The following UMAD1 variants were observed in gnomAD, a reference collection of about 807,000 sequenced individuals.
The protein encoded by UMAD1 is UBAP1-MVB12-associated (UMA) domain containing 1.
A neutral mutation model predicts 6.1 loss-of-function variants in UMAD1; 8 were observed. The ratio of observed to expected loss-of-function variants is 1.30; its 90% CI spans 0.76 to 2.35. UMAD1 has a LOEUF of 2.35. UMAD1 is among the 30% of genes most tolerant of loss of function. The probability of loss-of-function intolerance (pLI) is 0.00; values close to 1 mark genes in which losing one functional copy is unlikely to be tolerated. For missense variants in UMAD1, 130 were observed against 78.4 expected (o/e 1.66, Z -2.49); for synonymous variants, 56 against 31.4 (o/e 1.78, Z -2.61).
chr7:7,722,317 G>A (rs1781066035), intron 2 of UMAD1, among the ~76,000 whole-genome samples: 1 of 151,934 alleles, frequency 6.6e-6, no homozygotes, highest in Non-Finnish European at 1.5e-5. Context: ...TTCCTTCGTT[G>A]GTTTTGGGGA....
chr7:7,800,568 A>G (rs1039515423), intron 2 of UMAD1, among the ~76,000 whole-genome samples: 3 of 152,104 alleles, frequency 2.0e-5, no homozygotes, highest in African/African-American at 7.2e-5. Context: ...TACCCAAAGT[A>G]TAGTCTTTTA....
intron 3 of UMAD1, among the ~76,000 whole-genome samples, chr7:7,859,636 T>C (rs1784078463): frequency 6.6e-6 from 1 of 152,192 alleles, no homozygotes; most frequent in Admixed American, 6.5e-5. Flanking sequence ...ATGATTCGCT[T>C]AAGGTCACAC....
At chr7:7,822,127 G>T (rs1342239536) in intron 3 of UMAD1, among the ~76,000 whole-genome samples, 2 of 152,018 alleles carry the variant, frequency 1.3e-5, no homozygotes, top group Admixed American at 6.6e-5. Context: ...TTCCAGGGGG[G>T]TTTAGCTATT....
chr7:7,827,147 ATGTGTGTGTGTG>A (rs60211625), intron 3 of UMAD1, among the ~76,000 whole-genome samples: 1 of 134,150 alleles, frequency 7.5e-6, no homozygotes, highest in Admixed American at 7.5e-5. Flanking sequence ...ATATATATAT[ATGTGTGTGTGTG>A]TGTGTGTGTG....
At chr7:7,829,308 C>T (rs545924027) in intron 3 of UMAD1, among the ~76,000 whole-genome samples, 4 of 152,200 alleles carry the variant, frequency 2.6e-5, no homozygotes, top group Non-Finnish European at 5.9e-5. Context: ...GTGCTAAGAG[C>T]AATAACTCTC....
At chr7:7,833,181 T>C (rs764528036) in intron 3 of UMAD1, among the ~76,000 whole-genome samples, 1 of 152,046 alleles carries the variant, frequency 6.6e-6, no homozygotes, top group African/African-American at 2.4e-5. Context: ...TGGAGAGTGA[T>C]AGACTAGAGC....
chr7:7,701,073 A>C (rs1780450373), intron 2 of UMAD1, among the ~76,000 whole-genome samples: 1 of 152,164 alleles, frequency 6.6e-6, no homozygotes, highest in South Asian at 2.1e-4. Flanking sequence ...AAAGTCATAC[A>C]AGTATAATTC....
At chr7:7,836,855 A>G (rs1351530201) in intron 3 of UMAD1, among the ~76,000 whole-genome samples, 1 of 151,900 alleles carries the variant, frequency 6.6e-6, no homozygotes, top group Non-Finnish European at 1.5e-5. Context: ...GGATATAATG[A>G]AGAGGTGTGT....
At position 7,845,920 on chromosome 7, in the gene UMAD1, A is replaced by G. The variant is rs182286206; in HGVS notation, c.157-31361A>G. 1.4e-4 allele frequency among the ~76,000 whole-genome samples: 22 copies of G among 152,208 alleles called. No homozygotes were observed. The East Asian group carries it at 3.9e-3, about 27-fold the overall frequency. On this transcript the variant is annotated intron_variant, in intron 3 of 3. Transcript: ENST00000682710. ...TAAGAATAAGGCCTCCAGGCTATGT[A>G]TTTCCTTGGTAAATTGTTAATACTA...
intron 1 of UMAD1, among the ~76,000 whole-genome samples, chr7:7,661,249 G>A (rs542805669): frequency 1.3e-5 from 2 of 151,992 alleles, no homozygotes; most frequent in African/African-American, 2.4e-5. Flanking sequence ...GCTTCCTTGC[G>A]TTGGGTTAGA....
chr7:7,672,237 C>G (rs1779624411), intron 1 of UMAD1, among the ~76,000 whole-genome samples: 1 of 152,182 alleles, frequency 6.6e-6, no homozygotes, highest in African/African-American at 2.4e-5. Flanking sequence ...GAACTGTCCT[C>G]AGAATCCTAT....
At chr7:7,735,673 G>A (rs954354123) in intron 2 of UMAD1, 1 of 152,268 alleles carries the variant, frequency 6.6e-6, no homozygotes, top group African/African-American at 2.4e-5. Context: ...GCCTCCCAAA[G>A]TGGTGGGATT....
At chr7:7,673,980 A>G (rs1268143344) in intron 2 of UMAD1, among the ~76,000 whole-genome samples, 1 of 152,238 alleles carries the variant, frequency 6.6e-6, no homozygotes, top group African/African-American at 2.4e-5. Context: ...ACAATCAAAT[A>G]CAGTGTTCTT....
intron 2 of UMAD1, chr7:7,742,451 T>C: frequency 7.4e-6 from 4 of 542,168 alleles, no homozygotes; most frequent in South Asian, 5.6e-5. Context: ...TTTCTTTTTC[T>C]TTTTTTGTGG....
chr7:7,768,040 A>G (rs992368147), intron 2 of UMAD1, among the ~76,000 whole-genome samples: 14 of 152,100 alleles, frequency 9.2e-5, no homozygotes, highest in African/African-American at 3.1e-4. Context: ...TGACTTTCCT[A>G]TCTTAGAAAG....
At chr7:7,720,510 C>T (rs972134998) in intron 2 of UMAD1, among the ~76,000 whole-genome samples, 3 of 152,068 alleles carry the variant, frequency 2.0e-5, no homozygotes, top group African/African-American at 7.2e-5. Flanking sequence ...CTATAGACTA[C>T]TGAGTATTAG....
chr7:7,799,437 G>A (rs545022878), intron 2 of UMAD1, among the ~76,000 whole-genome samples: 19 of 152,324 alleles, frequency 1.2e-4, no homozygotes, highest in African/African-American at 4.6e-4. Flanking sequence ...TCAAGCAGCA[G>A]GGAGAAAGTT....
intron 3 of UMAD1, among the ~76,000 whole-genome samples, chr7:7,865,330 G>A (rs1784206053): frequency 6.6e-6 from 1 of 152,134 alleles, no homozygotes; most frequent in African/African-American, 2.4e-5. Flanking sequence ...TTGAATTGTA[G>A]AACACTCGGT....
chr7:7,646,480 A>ATTTTTTTTTTTTTTT (rs35948027), intron 1 of UMAD1, among the ~76,000 whole-genome samples: 2 of 111,360 alleles, frequency 1.8e-5, no homozygotes, highest in Admixed American at 9.8e-5. Flanking sequence ...CTTTCGCTGG[A>ATTTTTTTTTTTTTTT]TTTTTTTTTT....
Sources: allele counts gnomAD v4.1 joint callset (sites outside exome capture counted in the v4.1 genomes callset), GRCh38; gene constraint gnomAD v4.1.1; transcripts MANE v1.5; gene names NCBI Gene and HGNC (gene_info 2026-07-23, HGNC 2026-07-21).